The following MAGI3 variants were observed in gnomAD, a reference collection of about 807,000 sequenced individuals.
MAGI3 encodes the protein membrane-associated guanylate kinase, WW and PDZ domain-containing protein 3.
MAGI3 carries 43 observed loss-of-function variants against 121.8 expected under a neutral mutation model. The ratio of observed to expected loss-of-function variants is 0.35; its 90% CI spans 0.28 to 0.46. The LOEUF (loss-of-function observed/expected upper bound fraction) is 0.46, where lower values mean the gene tolerates loss of function less well. MAGI3 is among the 20% of genes least tolerant of loss of function. The pLI, the probability that MAGI3 is intolerant of heterozygous loss-of-function variation, is 1.00. For synonymous variants in MAGI3, 553 were observed against 639.3 expected, an observed-to-expected ratio of 0.86 and a Z score of 2.04; for missense variants, 1,547 against 1,797.3, an observed-to-expected ratio of 0.86 and a Z score of 2.52.
At chr1:113,450,106 C>A in intron 1 of MAGI3, 1 of 1,454,916 alleles carries the variant, frequency 6.9e-7, no homozygotes, top group Non-Finnish European at 9.5e-7. Flanking sequence ...ATAGAAGTTA[C>A]GGAAGACAGG....
At chr1:113,530,552 G>A (rs1475518308) in intron 1 of MAGI3, among the ~76,000 whole-genome samples, 3 of 151,338 alleles carry the variant, frequency 2.0e-5, no homozygotes, top group African/African-American at 4.9e-5. Context: ...CCCATGACAC[G>A]CACTTATATA....
chr1:113,434,208 T>A (rs1653444649), intron 1 of MAGI3, among the ~76,000 whole-genome samples: 1 of 152,176 alleles, frequency 6.6e-6, no homozygotes, highest in African/African-American at 2.4e-5. Context: ...TAGTACAAAT[T>A]GTCAACATGA....
intron 1 of MAGI3, among the ~76,000 whole-genome samples, chr1:113,404,815 A>G (rs1293194980): frequency 6.6e-6 from 1 of 152,106 alleles, no homozygotes; most frequent in East Asian, 1.9e-4. Flanking sequence ...AAGGGCCACA[A>G]AACTCTTCAC....
chr1:113,471,284 A>G (rs1046711868), intron 1 of MAGI3, among the ~76,000 whole-genome samples: 2 of 152,248 alleles, frequency 1.3e-5, no homozygotes, highest in Admixed American at 1.3e-4. Context: ...ATTTTCAGCC[A>G]CAATGGTATG....
chr1:113,421,492 TC>T (rs1652731148), intron 1 of MAGI3, among the ~76,000 whole-genome samples: 1 of 152,214 alleles, frequency 6.6e-6, no homozygotes. Context: ...TTTCATAAAA[TC>T]CAGGCTTTAG....
At chr1:113,579,169 G>C (rs1647854376) in intron 2 of MAGI3, among the ~76,000 whole-genome samples, 1 of 152,258 alleles carries the variant, frequency 6.6e-6, no homozygotes, top group Middle Eastern at 3.4e-3. Flanking sequence ...ACTGTGTCAA[G>C]ACTTGGGGCT....
At chr1:113,603,925 A>G (rs1649571223) in intron 6 of MAGI3, among the ~76,000 whole-genome samples, 1 of 152,230 alleles carries the variant, frequency 6.6e-6, no homozygotes, top group African/African-American at 2.4e-5. Context: ...GGATGCGTAA[A>G]TTAAAACCAC....
chr1:113,564,563 T>C (rs1660362468), intron 2 of MAGI3, among the ~76,000 whole-genome samples: 1 of 152,100 alleles, frequency 6.6e-6, no homozygotes, highest in Admixed American at 6.5e-5. Context: ...AGATGTCTGA[T>C]AATAGAAAAA....
chr1:113,640,386 A>T (rs544000730), intron 9 of MAGI3, among the ~76,000 whole-genome samples: 1 of 152,282 alleles, frequency 6.6e-6, no homozygotes, highest in Admixed American at 6.5e-5. Context: ...CTGGATATAT[A>T]CCCAAAGGAA....
intron 7 of MAGI3, among the ~76,000 whole-genome samples, chr1:113,618,337 CA>C (rs1448924407): frequency 4.9e-5 from 7 of 142,454 alleles, no homozygotes; most frequent in South Asian, 2.2e-4. Context: ...TGCCTGTCTC[CA>C]AAAAAAAAAT....
rs576775790 is a variant in MAGI3 at position 113,481,288 on chromosome 1, A to G, written c.317-68227A>G. Among the ~76,000 whole-genome samples, 22 of 152,336 alleles carry G rather than the reference A, an allele frequency of 1.4e-4. No individual in the cohort carries two copies. In the South Asian group the frequency reaches 4.6e-3, roughly 32 times the overall value. On this transcript the variant is annotated intron_variant, in intron 1 of 20. Transcript: ENST00000307546. ...CTATTTCTTTTATACCCCAAATCTTATAAACCTAGTTAGGTCCGCCTTTGT... is the reference window on the plus strand; with the variant it reads ...CTATTTCTTTTATACCCCAAATCTTGTAAACCTAGTTAGGTCCGCCTTTGT...
At position 113,658,039 on chromosome 1, in the gene MAGI3, A is replaced by C. The variant is rs1437540037; in HGVS notation, c.2630-1041A>C. Among the ~76,000 whole-genome samples, 1 of 152,244 alleles carries C rather than the reference A, an allele frequency of 6.6e-6. No individual in the cohort carries two copies. The highest frequency in any genetic ancestry group is 1.9e-4 in the East Asian group (1 of 5,204). ...AGGAGCAGGTTTTACTATGGAAATT[A>C]AACATCATTCACAGTGCCATTCAAA... On this transcript the variant is annotated intron_variant, in intron 15 of 20. Coordinates refer to ENST00000307546, the MANE Select transcript of MAGI3 (RefSeq NM_001142782.2). The surrounding 1 kb of genome is among the most constrained non-coding windows in gnomAD (Gnocchi z 4.0).
At chr1:113,588,509 C>T (rs993451234) in intron 4 of MAGI3, among the ~76,000 whole-genome samples, 3 of 152,058 alleles carry the variant, frequency 2.0e-5, no homozygotes, top group East Asian at 1.9e-4. Context: ...AAATGAGAAA[C>T]GATTATGGGG....
Position 113,643,723 on chromosome 1 carries a change from T to C in MAGI3, c.1967-20T>C, listed in dbSNP as rs1157705569. The C allele has an allele frequency of 1.2e-6, 2 of 1,613,056 alleles. No homozygotes were observed. Among genetic ancestry groups the C allele is most frequent in the Middle Eastern group, 1.6e-4 (1 of 6,062 alleles). ...GAATGCATCCTCTGGTTTTAAACTT[T>C]GGTTCATTTTTTTTTTAAGGTCCTC... On this transcript the variant is annotated intron_variant, in intron 10 of 20. Coordinates refer to ENST00000307546, the MANE Select transcript of MAGI3 (RefSeq NM_001142782.2).
At chr1:113,438,472 T>G (rs1458783332) in intron 1 of MAGI3, among the ~76,000 whole-genome samples, 1 of 152,188 alleles carries the variant, frequency 6.6e-6, no homozygotes, top group Non-Finnish European at 1.5e-5. Context: ...TATTAGTCCA[T>G]TTTGTGTTGC....
At chr1:113,454,617 G>T (rs1338739790) in intron 1 of MAGI3, among the ~76,000 whole-genome samples, 1 of 151,998 alleles carries the variant, frequency 6.6e-6, no homozygotes, top group African/African-American at 2.4e-5. Context: ...TCTACATTAG[G>T]TATTTCTCCT....
chr1:113,467,221 A>T (rs761804880), intron 1 of MAGI3, among the ~76,000 whole-genome samples: 2 of 151,950 alleles, frequency 1.3e-5, no homozygotes, highest in African/African-American at 2.4e-5. Flanking sequence ...TCCAGAGCAT[A>T]TTGTTTAATT....
chr1:113,453,387 C>G (rs542813489), intron 1 of MAGI3, among the ~76,000 whole-genome samples: 1 of 152,078 alleles, frequency 6.6e-6, no homozygotes, highest in Non-Finnish European at 1.5e-5. Flanking sequence ...TTTTTTATAA[C>G]AATTTTTCTT....
At chr1:113,582,439 G>A (rs1648096387) in intron 3 of MAGI3, among the ~76,000 whole-genome samples, 1 of 148,142 alleles carries the variant, frequency 6.8e-6, no homozygotes, top group Non-Finnish European at 1.5e-5. Flanking sequence ...CTGCTATACA[G>A]CAGTTCAATG....
Sources: gnomAD v4.1 joint callset for allele counts (sites outside exome capture counted in the v4.1 genomes callset) on GRCh38, gnomAD v4.1.1 for gene constraint, Gnocchi (gnomAD v3.1) non-coding constraint, MANE v1.5 for transcripts, NCBI Gene and HGNC (gene_info 2026-07-23, HGNC 2026-07-21) for gene names.